The following CDX2 variants were observed in gnomAD, a reference collection of about 807,000 sequenced individuals.
The protein encoded by CDX2 is homeobox protein CDX-2.
CDX2 carries 7 observed loss-of-function variants against 25.5 expected under a neutral mutation model. That is an observed-to-expected ratio of 0.27 (90% CI 0.16 to 0.52). CDX2 has a LOEUF of 0.52. CDX2 is among the 20% of genes least tolerant of loss of function. The pLI, the probability that CDX2 is intolerant of heterozygous loss-of-function variation, is 0.97. For missense variants in CDX2, 375 were observed against 431.4 expected (o/e 0.87, Z 1.16); for synonymous variants, 222 against 198.6 (o/e 1.12, Z -0.99).
rs1433756516 is a variant in CDX2, at chr13:27,969,051, C to T, written c.-45G>A. ...CAGACCTCACCATGCTGCCTGGGGA[C>T]CGACGCTGGAGGCTGCCGGGGGGCA... On this transcript the variant is annotated 5_prime_UTR_variant, in exon 1 of 3. Coordinates refer to ENST00000381020, the MANE Select transcript of CDX2 (RefSeq NM_001265.6). The T allele has an allele frequency of 2.0e-6, 3 of 1,497,572 alleles. No individual in the cohort carries two copies. The highest frequency in any genetic ancestry group is 1.8e-5 in the Admixed American group (1 of 56,812). 92.8% of individuals were successfully genotyped at this position (1,497,572 alleles called of 1,614,324 possible).
chr13:27,968,372 G>A, intron 1 of CDX2, 94 bp downstream of exon 1: 3 of 1,327,992 alleles, frequency 2.3e-6, no homozygotes, highest in Non-Finnish European at 2.9e-6. Context: ...AGCCCGGGAC[G>A]CCCCTGTGCG....
At chr13:27,966,353 G>A (rs1869322124) in intron 1 of CDX2, among the ~76,000 whole-genome samples, 1 of 152,330 alleles carries the variant, frequency 6.6e-6, no homozygotes, top group East Asian at 1.9e-4. Flanking sequence ...GACTTTCTCC[G>A]CGGTGGACGC....
rs55820742 is a variant in CDX2 at position 27,964,708 on chromosome 13, T to TAAA, written c.687+159_687+161dup. 3.1e-5 allele frequency among the ~76,000 whole-genome samples: 4 copies of TAAA among 127,068 alleles called. No homozygotes were observed. The highest frequency in any genetic ancestry group is 8.5e-5 in the African/African-American group (3 of 35,378). 83.4% of individuals were successfully genotyped at this position (127,068 alleles called of 152,430 possible). ...CACAAAGCAAGACCCCATCTCTGTTTAAAAAAAAAAAAAAAAAAAAAAAGG... is the reference window on the plus strand; with the variant it reads ...CACAAAGCAAGACCCCATCTCTGTTTAAAAAAAAAAAAAAAAAAAAAAAAAAGG... On this transcript the variant is annotated intron_variant, in intron 2 of 2. Coordinates refer to ENST00000381020, the MANE Select transcript of CDX2 (RefSeq NM_001265.6). The surrounding 1 kb of genome is among the most constrained non-coding windows in gnomAD (Gnocchi z 4.7).
intron 1 of CDX2, chr13:27,967,359 C>G: frequency 1.9e-6 from 1 of 523,538 alleles, no homozygotes; most frequent in South Asian, 1.5e-5. Context: ...GAGACAGCCC[C>G]CAAAGGGCGC....
chr13:27,967,085 G>C (rs1248084333), intron 1 of CDX2, among the ~76,000 whole-genome samples: 1 of 152,090 alleles, frequency 6.6e-6, no homozygotes, highest in Non-Finnish European at 1.5e-5. Flanking sequence ...CCCCGCGGCC[G>C]CTCTCCCGGG....
chr13:27,962,558 A>T lies in CDX2; in HGVS notation c.*557T>A. 4.3e-6 allele frequency: 1 copy of T among 232,984 alleles called. No individual in the cohort carries two copies. Among genetic ancestry groups the T allele is most frequent in the African/African-American group, 2.2e-5 (1 of 45,398 alleles). 14.4% of individuals were successfully genotyped at this position (232,984 alleles called of 1,614,324 possible). A position where few individuals can be genotyped will look rare whatever the true frequency, so the allele number is the denominator to read the frequency against. ...GGTCTGGGAAGGGAAGAGAAAAAAGACGCAGGCCACCTGGGGGTTCTGCAG... is the reference window on the plus strand; with the variant it reads ...GGTCTGGGAAGGGAAGAGAAAAAAGTCGCAGGCCACCTGGGGGTTCTGCAG... On this transcript the variant is annotated 3_prime_UTR_variant, in exon 3 of 3. Coordinates refer to ENST00000381020, the MANE Select transcript of CDX2 (RefSeq NM_001265.6).
rs1869205551 is a variant in CDX2 at position 27,964,348 on chromosome 13, G to A, written c.687+522C>T. Among the ~76,000 whole-genome samples, 1 of 152,152 alleles carries A rather than the reference G, an allele frequency of 6.6e-6. No homozygotes were observed. The highest frequency in any genetic ancestry group is 2.1e-4 in the South Asian group (1 of 4,824). ...CGGGAGGCAGAGGTTGCAGTGAGCTGAGACCGCGCCATTGCACTTCAGCCT... is the reference window on the plus strand; with the variant it reads ...CGGGAGGCAGAGGTTGCAGTGAGCTAAGACCGCGCCATTGCACTTCAGCCT... On this transcript the variant is annotated intron_variant, in intron 2 of 2. Coordinates refer to ENST00000381020, the MANE Select transcript of CDX2 (RefSeq NM_001265.6). This position sits in a 1 kb window ranked among gnomAD's most constrained non-coding sequence, Gnocchi z 4.7.
chr13:27,967,416 C>G (rs955496876), intron 1 of CDX2: 1 of 501,606 alleles, frequency 2.0e-6, no homozygotes, highest in African/African-American at 1.9e-5. Flanking sequence ...GCAAAGTGCC[C>G]ATAACCAGCG....
At chr13:27,968,355 C>G in intron 1 of CDX2, 111 bp downstream of exon 1, 1 of 1,292,392 alleles carries the variant, frequency 7.7e-7, no homozygotes, top group South Asian at 2.0e-5. Context: ...GCGCCGAGCT[C>G]CCAGACAGCC....
At chr13:27,966,974 G>C (rs764696846) in intron 1 of CDX2, among the ~76,000 whole-genome samples, 9 of 151,906 alleles carry the variant, frequency 5.9e-5, no homozygotes, top group Non-Finnish European at 1.0e-4. Flanking sequence ...CGCCGACTGC[G>C]GCCTTGCCAC....
chr13:27,967,274 C>A (rs753544261), intron 1 of CDX2: 77 of 508,650 alleles, frequency 1.5e-4, no homozygotes, highest in Middle Eastern at 2.9e-4. Context: ...TGATCTGTGG[C>A]CTTCTCCCCG....
chr13:27,965,182 T>TG (rs149567632), intron 1 of CDX2, among the ~76,000 whole-genome samples, 167 bp from the exon 2 acceptor site: 7,964 of 151,982 alleles, frequency 0.052, 711 homozygotes, highest in African/African-American at 0.18. Flanking sequence ...GAGGGTCCTG[T>TG]GGGGGGAGGG....
At chr13:27,965,059 C>A (rs1393082941) in intron 1 of CDX2, 44 bp from the exon 2 acceptor site, 1 of 1,598,114 alleles carries the variant, frequency 6.3e-7, no homozygotes, top group Non-Finnish European at 8.6e-7. Context: ...GCAAGGCAGC[C>A]CATCAGTCAT....
rs1050842215 is a variant in CDX2 at position 27,962,453 on chromosome 13, C to T, written c.*662G>A. 2 of 233,144 alleles carry T rather than the reference C, an allele frequency of 8.6e-6. No individual in the cohort carries two copies. The highest frequency in any genetic ancestry group is 1.7e-5 in the Non-Finnish European group (2 of 117,812). The allele number at this position is 233,144 out of a possible 1,614,324, so 14.4% of individuals were successfully genotyped here. A position where few individuals can be genotyped will look rare whatever the true frequency, so the allele number is the denominator to read the frequency against. ...CAGGCTCTCTAAACAAGTCCCTGTTCGGGCCCCCTGGTCAGGCCTGGAGTC... is the reference window on the plus strand; with the variant it reads ...CAGGCTCTCTAAACAAGTCCCTGTTTGGGCCCCCTGGTCAGGCCTGGAGTC... On this transcript the variant is annotated 3_prime_UTR_variant, in exon 3 of 3. Transcript: ENST00000381020.
Position 27,969,066 on chromosome 13 carries a change from G to A in CDX2, c.-60C>T. 7.3e-7 allele frequency: 1 copy of A among 1,366,914 alleles called. No homozygotes were observed. The highest frequency in any genetic ancestry group is 1.3e-5 in the South Asian group (1 of 79,980). 84.7% of individuals were successfully genotyped at this position (1,366,914 alleles called of 1,614,324 possible). A position where few individuals can be genotyped will look rare whatever the true frequency, so the allele number is the denominator to read the frequency against. On this transcript the variant is annotated 5_prime_UTR_variant, in exon 1 of 3. Coordinates refer to ENST00000381020, the MANE Select transcript of CDX2 (RefSeq NM_001265.6). The stretch of plus-strand genomic sequence containing the variant: ...TGCCTGGGGACCGACGCTGGAGGCT[G>A]CCGGGGGGCACGAAGGGAAAGGGGC...
At position 27,962,322 on chromosome 13, in the gene CDX2, C is replaced by G. The variant is rs530409030; in HGVS notation, c.*793G>C. ...CAGCAACAACAACACAAACTCCCCC[C>G]ACCCCCTTCTTCATCAGCCCCAAGA... On this transcript the variant is annotated 3_prime_UTR_variant, in exon 3 of 3. Coordinates refer to ENST00000381020, the MANE Select transcript of CDX2 (RefSeq NM_001265.6). 111 of 233,510 alleles carry G rather than the reference C, an allele frequency of 4.8e-4. No homozygotes were observed. The highest frequency in any genetic ancestry group is 2.2e-4 in the Non-Finnish European group (26 of 118,090). 14.5% of individuals were successfully genotyped at this position (233,510 alleles called of 1,614,324 possible).
rs1869502433 is a variant in CDX2, at chr13:27,969,021, G to A, written c.-15C>T. The A allele has an allele frequency of 6.3e-7, 1 of 1,582,978 alleles. No homozygotes were observed. Among genetic ancestry groups the A allele is most frequent in the Non-Finnish European group, 8.6e-7 (1 of 1,168,562 alleles). On this transcript the variant is annotated 5_prime_UTR_variant, in exon 1 of 3. Transcript: ENST00000381020. ...CTCACGTACATGGTGGCGAGGGTCC[G>A]GGAGCAGACCTCACCATGCTGCCTG...
chr13:27,963,264 G>T lies in CDX2; in HGVS notation c.793C>A (p.Pro265Thr). The T allele has an allele frequency of 6.2e-7, 1 of 1,614,046 alleles. No homozygotes were observed. Among genetic ancestry groups the T allele is most frequent in the Non-Finnish European group, 8.5e-7 (1 of 1,179,916 alleles). Reference sequence around the variant, plus strand: ...CCTGGCTGAGGCTGGGGAGGCTGTGGTGGCGGCGGAGGCGGCTGTGGTGGC... The same window carrying T: ...CCTGGCTGAGGCTGGGGAGGCTGTGTTGGCGGCGGAGGCGGCTGTGGTGGC... ...QQPPQPPPPP[P>T]QPPQPQPGPL... The change falls in exon 3 of 3, where the codon CCA becomes ACA. Residue 265 changes from proline (P) to threonine (T), a missense_variant. Coordinates refer to ENST00000381020, the MANE Select transcript of CDX2 (RefSeq NM_001265.6).
At position 27,962,780 on chromosome 13, in the gene CDX2, G is replaced by T; in HGVS notation, c.*335C>A. On this transcript the variant is annotated 3_prime_UTR_variant, in exon 3 of 3. Coordinates refer to ENST00000381020, the MANE Select transcript of CDX2 (RefSeq NM_001265.6). ...CCAGAGGTGCAGCCTGCAGATCTAGGAAGAGAAGAGCTGGGGAGGAGGATG... is the reference window on the plus strand; with the variant it reads ...CCAGAGGTGCAGCCTGCAGATCTAGTAAGAGAAGAGCTGGGGAGGAGGATG... 5 of 278,302 alleles carry T rather than the reference G, an allele frequency of 1.8e-5. No homozygotes were observed. Among genetic ancestry groups the T allele is most frequent in the Non-Finnish European group, 3.4e-5 (5 of 148,440 alleles). 17.2% of individuals were successfully genotyped at this position (278,302 alleles called of 1,614,324 possible). A position where few individuals can be genotyped will look rare whatever the true frequency, so the allele number is the denominator to read the frequency against.
Sources: gnomAD v4.1 joint callset for allele counts (sites outside exome capture counted in the v4.1 genomes callset) on GRCh38, gnomAD v4.1.1 for gene constraint, Gnocchi (gnomAD v3.1) non-coding constraint, MANE v1.5 for transcripts, NCBI Gene and HGNC (gene_info 2026-07-23, HGNC 2026-07-21) for gene names.